The following CFAP300 variants were observed in gnomAD, a reference collection of about 807,000 sequenced individuals.
CFAP300 encodes the protein cilia and flagella associated protein 300.
In CFAP300, 32 loss-of-function variants were observed where a neutral mutation model predicts 33.0. That is an observed-to-expected ratio of 0.97 (90% confidence interval 0.73 to 1.30). The LOEUF (loss-of-function observed/expected upper bound fraction) is 1.30, where lower values mean the gene tolerates loss of function less well. Ranked by LOEUF, CFAP300 falls within the 50% of genes most tolerant of loss-of-function variation. The pLI is 0.00. For missense variants in CFAP300, 356 were observed against 318.1 expected, an observed-to-expected ratio of 1.12 and a Z score of -0.90; for synonymous variants, 102 against 106.8, an observed-to-expected ratio of 0.95 and a Z score of 0.28.
intron 4 of CFAP300, among the ~76,000 whole-genome samples, chr11:102,072,588 G>T (rs927559613): frequency 1.3e-5 from 2 of 151,768 alleles, no homozygotes; most frequent in African/African-American, 2.4e-5. Flanking sequence ...CAGGTGTGAG[G>T]TACCATGCCT....
intron 3 of CFAP300, among the ~76,000 whole-genome samples, chr11:102,059,289 G>A (rs1942106455): frequency 2.3e-5 from 1 of 43,662 alleles, no homozygotes; most frequent in Non-Finnish European, 4.1e-5. Flanking sequence ...AAATGTGTGT[G>A]TGTGTGTGTG....
chr11:102,055,512 T>A (rs1047655195), intron 2 of CFAP300, among the ~76,000 whole-genome samples: 1 of 145,836 alleles, frequency 6.9e-6, no homozygotes, highest in Non-Finnish European at 1.5e-5. Context: ...TGCACAGCAC[T>A]GTGCCAAGCT....
chr11:102,081,167 T>C (rs763934175), intron 5 of CFAP300, 48 bp from the exon 6 acceptor site: 1 of 1,341,662 alleles, frequency 7.5e-7, no homozygotes, highest in Non-Finnish European at 1.0e-6. Flanking sequence ...TAAATGTATA[T>C]GCCAATGCCT....
At chr11:102,071,994 T>C (rs2135041440) in intron 4 of CFAP300, among the ~76,000 whole-genome samples, 1 of 152,304 alleles carries the variant, frequency 6.6e-6, no homozygotes, top group South Asian at 2.1e-4. Context: ...TTGGGGATCT[T>C]TAAGGTTCCT....
intron 4 of CFAP300, among the ~76,000 whole-genome samples, chr11:102,066,912 T>C (rs751505190): frequency 9.9e-5 from 15 of 152,222 alleles, no homozygotes; most frequent in Admixed American, 1.3e-4. Context: ...CGAAACGTCA[T>C]ATAACTCACA....
intron 3 of CFAP300, among the ~76,000 whole-genome samples, chr11:102,059,776 A>G (rs1245244093): frequency 1.3e-5 from 2 of 151,730 alleles, no homozygotes; most frequent in East Asian, 1.9e-4. Flanking sequence ...ACATGGGTAC[A>G]TGGATTTCTC....
chr11:102,076,167 C>A, intron 5 of CFAP300, 122 bp downstream of exon 5: 1 of 1,123,064 alleles, frequency 8.9e-7, no homozygotes. Context: ...ATATAAAAAG[C>A]TCTACCCTTA....
intron 2 of CFAP300, among the ~76,000 whole-genome samples, chr11:102,053,883 C>G (rs1942010069): frequency 1.3e-5 from 2 of 152,188 alleles, no homozygotes; most frequent in Admixed American, 1.3e-4. Flanking sequence ...CTGGGTCACA[C>G]CAAACCTCTT....
At chr11:102,065,653 G>A (rs1016568930) in intron 3 of CFAP300, among the ~76,000 whole-genome samples, 3 of 151,716 alleles carry the variant, frequency 2.0e-5, no homozygotes, top group Non-Finnish European at 2.9e-5. Flanking sequence ...TGTAATCCCA[G>A]ATACTCGGGA....
At chr11:102,081,119 T>G in intron 5 of CFAP300, 96 bp from the exon 6 acceptor site, 2 of 901,102 alleles carry the variant, frequency 2.2e-6, no homozygotes, top group South Asian at 3.8e-5. Flanking sequence ...ATGTTCTATA[T>G]GAATAAGAAC....
intron 4 of CFAP300, among the ~76,000 whole-genome samples, chr11:102,067,995 T>A (rs979104395): frequency 1.6e-4 from 24 of 152,232 alleles, no homozygotes; most frequent in African/African-American, 5.8e-4. Context: ...AGGGCTTTCA[T>A]GTCAAATAGC....
At chr11:102,073,145 G>C (rs1387939974) in intron 4 of CFAP300, among the ~76,000 whole-genome samples, 1 of 152,302 alleles carries the variant, frequency 6.6e-6, no homozygotes, top group East Asian at 1.9e-4. Context: ...TGTTAGTGGT[G>C]GGCTGGGTGT....
In CFAP300 at chr11:102,081,225, A is replaced by T; in HGVS notation, c.619A>T (p.Asn207Tyr). 1 of 1,608,928 alleles carries T rather than the reference A, an allele frequency of 6.2e-7. No individual in the cohort carries two copies. The highest frequency in any genetic ancestry group is 8.5e-7 in the Non-Finnish European group (1 of 1,178,928). ...IYKDLVSVRK[N>Y]PQTKKIQITS... ...TCTTCCTTTTTTTAGTGTTCGAAAG[A>T]ATCCTCAAACCAAGAAAATACAGAT... The change falls in exon 6 of 7, where the codon AAT (asparagine) becomes TAT (tyrosine). Residue 207 changes from asparagine to tyrosine, a missense_variant. Physicochemically the swap from Asn to Tyr is moderately radical, Grantham distance 143. Coordinates refer to ENST00000434758, the MANE Select transcript of CFAP300 (RefSeq NM_032930.3).
At chr11:102,055,216 C>T (rs183514455) in intron 2 of CFAP300, among the ~76,000 whole-genome samples, 119 of 152,084 alleles carry the variant, frequency 7.8e-4, no homozygotes, top group African/African-American at 2.3e-3. Flanking sequence ...CCTGACCTCG[C>T]GATCTGCCTG....
intron 5 of CFAP300, among the ~76,000 whole-genome samples, chr11:102,078,226 T>C (rs893623394): frequency 2.6e-5 from 4 of 152,126 alleles, no homozygotes; most frequent in African/African-American, 9.7e-5. Flanking sequence ...CAGAGTTACT[T>C]AGAATAGTCT....
chr11:102,070,935 G>C (rs1418019055), intron 4 of CFAP300, among the ~76,000 whole-genome samples: 1 of 152,106 alleles, frequency 6.6e-6, no homozygotes, highest in Non-Finnish European at 1.5e-5. Context: ...AATTTTTTAA[G>C]TGTGTTGAGA....
intron 3 of CFAP300, among the ~76,000 whole-genome samples, chr11:102,061,761 C>A (rs1199992097): frequency 6.6e-6 from 1 of 152,184 alleles, no homozygotes; most frequent in Non-Finnish European, 1.5e-5. Flanking sequence ...TCTGTCACTT[C>A]CACGTTGATG....
chr11:102,055,228 C>CT (rs367955264), intron 2 of CFAP300, among the ~76,000 whole-genome samples: 43 of 152,244 alleles, frequency 2.8e-4, no homozygotes, highest in African/African-American at 1.0e-3. Flanking sequence ...ATCTGCCTGC[C>CT]TTGGCCTCCC....
intron 4 of CFAP300, among the ~76,000 whole-genome samples, chr11:102,067,989 C>T (rs1942253548): frequency 6.6e-6 from 1 of 152,152 alleles, no homozygotes; most frequent in African/African-American, 2.4e-5. Flanking sequence ...AAAATGAGGG[C>T]TTTCATGTCA....
Sources: gnomAD v4.1 joint callset for allele counts (sites outside exome capture counted in the v4.1 genomes callset) on GRCh38, gnomAD v4.1.1 for gene constraint, MANE v1.5 for transcripts, NCBI Gene and HGNC (gene_info 2026-07-23, HGNC 2026-07-21) for gene names.